Variants in FBXL18 observed in about 807,000 individuals in gnomAD.
The protein encoded by FBXL18 is F-box and leucine rich repeat protein 18, also known as F-box/LRR-repeat protein 18.
Under a neutral mutation model 46.0 loss-of-function variants are expected in FBXL18, and 36 were observed. The observed-to-expected ratio is 0.78, with a 90% CI of 0.60 to 1.03. The LOEUF is 1.03. Ranked by LOEUF, FBXL18 falls within the 50% of genes least tolerant of loss-of-function variation. FBXL18 has a pLI of 0.00. For missense variants in FBXL18, 977 were observed against 1,004.1 expected (o/e 0.97, Z 0.36); for synonymous variants, 557 against 465.3 (o/e 1.20, Z -2.54).
Position 5,500,903 on chromosome 7 carries a change from C to G in FBXL18, c.1366G>C (p.Val456Leu). 1 of 1,576,248 alleles carries G rather than the reference C, an allele frequency of 6.3e-7. No homozygotes were observed. The highest frequency in any genetic ancestry group is 1.8e-5 in the Admixed American group (1 of 54,092). Residue 456 changes from valine to leucine, a missense_variant, in exon 3 of 5, where the codon GTG (valine) becomes CTG (leucine). Val to Leu is a conservative substitution (Grantham distance 32). Transcript: ENST00000382368. ...RGFGKKVRVG[V>L]QSCPSPFSGQ... ...GAGAAGGGGCTGGGACAGGACTGCA[C>G]GCCCACACGCACTTTCTTGCCAAAG...
intron 4 of FBXL18, among the ~76,000 whole-genome samples, chr7:5,465,154 A>G (rs1232331700): frequency 1.3e-5 from 2 of 152,180 alleles, no homozygotes; most frequent in Non-Finnish European, 2.9e-5. Context: ...TCTGGGATCA[A>G]TAGACTGTGA....
chr7:5,466,229 G>A (rs1374484512), intron 4 of FBXL18, among the ~76,000 whole-genome samples: 1 of 151,886 alleles, frequency 6.6e-6, no homozygotes, highest in Middle Eastern at 3.2e-3. Flanking sequence ...CTTCCATCTG[G>A]AAGAAACGGT....
chr7:5,501,898 A>G lies in FBXL18; in HGVS notation c.371T>C (p.Val124Ala). 6.2e-7 allele frequency: 1 copy of G among 1,602,744 alleles called. No homozygotes were observed. The highest frequency in any genetic ancestry group is 8.5e-7 in the Non-Finnish European group (1 of 1,175,864). Residue 124 changes from valine to alanine, a missense_variant, in exon 3 of 5, where the codon GTG becomes GCG. Transcript: ENST00000382368. The stretch of plus-strand genomic sequence containing the variant: ...AGTGAGGTGGCAGCCCGAGAGGTTC[A>G]CCTTCACCAGGCTGCGGCAGCGGGC... ...HVARCRSLVK[V>A]NLSGCHLTSL...
chr7:5,464,605 G>A (rs1446725805), intron 4 of FBXL18, among the ~76,000 whole-genome samples: 1 of 141,304 alleles, frequency 7.1e-6, no homozygotes, highest in Non-Finnish European at 1.5e-5. Flanking sequence ...GAATGTTGCA[G>A]TGACCCGAGA....
intron 2 of FBXL18, among the ~76,000 whole-genome samples, chr7:5,503,224 GA>G (rs1387152053): frequency 6.6e-6 from 1 of 152,188 alleles, no homozygotes; most frequent in African/African-American, 2.4e-5. Context: ...CTACCAAAAA[GA>G]AAAAATATAT....
chr7:5,495,725 C>G (rs1045021154), intron 3 of FBXL18: 2 of 454,556 alleles, frequency 4.4e-6, no homozygotes, highest in Admixed American at 4.8e-5. Flanking sequence ...TTCCTCTGCA[C>G]AGCTCCTGCC....
At position 5,500,816 on chromosome 7, in the gene FBXL18, G is replaced by A; in HGVS notation, c.1453C>T (p.Leu485=). 1 of 1,612,524 alleles carries A rather than the reference G, an allele frequency of 6.2e-7. No individual in the cohort carries two copies. The highest frequency in any genetic ancestry group is 8.5e-7 in the Non-Finnish European group (1 of 1,179,680). ...GACCCAATCAGCTCGAGGTGTTCCA[G>A]GAAGGGCAGGTTCTTCAGCAGAGAC... ...FWSLLKNLPF[L]EHLELIGSNF... is the part of the protein sequence containing the mutation. The change falls in exon 3 of 5, where the codon CTG becomes TTG. Residue 485 remains leucine, a synonymous_variant. Transcript: ENST00000382368.
In FBXL18 at chr7:5,481,780, A is replaced by G. The variant is rs762572039; in HGVS notation, c.2152T>C (p.Trp718Arg). The G allele has an allele frequency of 1.9e-6, 3 of 1,613,346 alleles. No homozygotes were observed. The highest frequency in any genetic ancestry group is 1.1e-5 in the South Asian group (1 of 91,072). The change falls in exon 5 of 5, where the codon TGG becomes CGG. Residue 718 changes from tryptophan to arginine, a missense_variant. By Grantham distance (101) the Trp-to-Arg change is moderately radical. Coordinates refer to ENST00000382368, the MANE Select transcript of FBXL18 (RefSeq NM_024963.6). ...RVAEEPPNLW[W>R] ...ATGGGCGGCGGCTCCGCCTCTCACCACCACAGGTTCGGCGGTTCCTCGGCC... is the reference window on the plus strand; with the variant it reads ...ATGGGCGGCGGCTCCGCCTCTCACCGCCACAGGTTCGGCGGTTCCTCGGCC...
chr7:5,464,869 G>T (rs1376636622), intron 4 of FBXL18, among the ~76,000 whole-genome samples: 1 of 151,696 alleles, frequency 6.6e-6, no homozygotes, highest in Non-Finnish European at 1.5e-5. Flanking sequence ...TTTGAGACCA[G>T]CCTGGACAAC....
At chr7:5,485,512 AT>A (rs1201961018) in intron 4 of FBXL18, among the ~76,000 whole-genome samples, 5 of 152,320 alleles carry the variant, frequency 3.3e-5, no homozygotes, top group African/African-American at 7.2e-5. Flanking sequence ...TGCAAAAAAA[AT>A]AAATAAATAA....
chr7:5,492,392 T>G (rs1783951266), intron 3 of FBXL18, among the ~76,000 whole-genome samples: 1 of 150,938 alleles, frequency 6.6e-6, no homozygotes, highest in South Asian at 2.1e-4. Flanking sequence ...AGCGAGCCCC[T>G]GAGATAAGAA....
intron 3 of FBXL18, chr7:5,495,898 G>T: frequency 2.1e-6 from 1 of 476,988 alleles, no homozygotes; most frequent in East Asian, 6.7e-5. Flanking sequence ...GTTCTCAGGG[G>T]CTGCTGGGCA....
chr7:5,460,457 GT>G (rs1783228095), intron 4 of FBXL18, among the ~76,000 whole-genome samples: 1 of 151,830 alleles, frequency 6.6e-6, no homozygotes, highest in South Asian at 2.1e-4. Flanking sequence ...TCATAACTTT[GT>G]TATTTTGTTT....
At chr7:5,483,261 T>A (rs1275676275) in intron 4 of FBXL18, among the ~76,000 whole-genome samples, 15 of 140,934 alleles carry the variant, frequency 1.1e-4, no homozygotes, top group Middle Eastern at 4.3e-3. Flanking sequence ...GCCAACATGG[T>A]GAAACCCCGT....
chr7:5,460,078 A>G (rs537527839), intron 4 of FBXL18, among the ~76,000 whole-genome samples: 41 of 152,014 alleles, frequency 2.7e-4, no homozygotes, highest in Non-Finnish European at 4.6e-4. Flanking sequence ...TAGGCAACAT[A>G]GTGAGACCCC....
chr7:5,465,467 G>A (rs536816948), intron 4 of FBXL18, among the ~76,000 whole-genome samples: 35 of 151,786 alleles, frequency 2.3e-4, no homozygotes, highest in African/African-American at 7.2e-4. Context: ...TCTCAAAGTG[G>A]ACTGATTGAT....
chr7:5,488,134 T>TA (rs1355683809), intron 4 of FBXL18, among the ~76,000 whole-genome samples: 1 of 152,244 alleles, frequency 6.6e-6, no homozygotes, highest in Non-Finnish European at 1.5e-5. Context: ...GCAAAGAGCT[T>TA]ACTGCATCCA....
rs780904694 is a variant in FBXL18, at chr7:5,500,875, C to T, written c.1394G>A (p.Gly465Asp). The T allele has an allele frequency of 1.3e-6, 2 of 1,598,352 alleles. No individual in the cohort carries two copies. Among genetic ancestry groups the T allele is most frequent in the Non-Finnish European group, 1.7e-6 (2 of 1,170,788 alleles). The change falls in exon 3 of 5, where the codon GGC becomes GAC. Residue 465 changes from glycine (G) to aspartate (D), a missense_variant. Transcript: ENST00000382368. ...GVQSCPSPFS[G>D]QACPQPSSVF... ...GGAGGAGGGCTGGGGGCACGCCTGG[C>T]CCGAGAAGGGGCTGGGACAGGACTG... is the stretch of plus-strand genomic sequence containing the variant.
chr7:5,501,089 G>A lies in FBXL18; in HGVS notation c.1180C>T (p.His394Tyr). ...NLRHLNLSAAHHHSSEGLGRH... is the reference protein window; with the variant it reads ...NLRHLNLSAAYHHSSEGLGRH... ...CCCAGGCCCTCCGAGCTGTGGTGGT[G>A]GGCGGCCGAGAGGTTCAGGTGGCGC... The change falls in exon 3 of 5, where the codon CAC becomes TAC. Residue 394 changes from histidine to tyrosine, a missense_variant. Coordinates refer to ENST00000382368, the MANE Select transcript of FBXL18 (RefSeq NM_024963.6). 6.2e-7 allele frequency: 1 copy of A among 1,612,186 alleles called. No individual in the cohort carries two copies. The highest frequency in any genetic ancestry group is 8.5e-7 in the Non-Finnish European group (1 of 1,179,756).
Sources: gnomAD v4.1 joint callset for allele counts (sites outside exome capture counted in the v4.1 genomes callset) on GRCh38, gnomAD v4.1.1 for gene constraint, MANE v1.5 for transcripts, NCBI Gene and HGNC (gene_info 2026-07-23, HGNC 2026-07-21) for gene names.